The following ARHGAP21 variants were observed in gnomAD, a reference collection of about 807,000 sequenced individuals.
ARHGAP21 encodes Rho GTPase activating protein 21.
A neutral mutation model predicts 164.6 loss-of-function variants in ARHGAP21; 38 were observed. That is an observed-to-expected ratio of 0.23 (90% CI 0.18 to 0.30). The LOEUF (loss-of-function observed/expected upper bound fraction) is 0.30, where lower values mean the gene tolerates loss of function less well. Among genes scored for constraint, ARHGAP21 ranks in the 10% least tolerant of loss-of-function variants. ARHGAP21 has a pLI of 1.00. For missense variants in ARHGAP21, 1,822 were observed against 2,370.7 expected, an observed-to-expected ratio of 0.77 and a Z score of 4.81; for synonymous variants, 766 against 857.9, an observed-to-expected ratio of 0.89 and a Z score of 1.87.
intron 7 of ARHGAP21, among the ~76,000 whole-genome samples, chr10:24,624,724 T>C (rs1193291089): frequency 1.3e-5 from 2 of 152,100 alleles, no homozygotes; most frequent in Admixed American, 1.3e-4. Flanking sequence ...GAATTACATA[T>C]TCAGTATTAA....
chr10:24,634,984 G>T, intron 5 of ARHGAP21, 27 bp downstream of exon 5: 2 of 1,411,604 alleles, frequency 1.4e-6, no homozygotes, highest in East Asian at 2.4e-5. Flanking sequence ...AAATTAAAAC[G>T]TATTGTTTAA....
At chr10:24,658,785 A>T (rs956264458) in intron 4 of ARHGAP21, among the ~76,000 whole-genome samples, 1 of 134,398 alleles carries the variant, frequency 7.4e-6, no homozygotes, top group African/African-American at 3.0e-5. Context: ...TATGTAAAAA[A>T]CCTGCACATT....
intron 2 of ARHGAP21, among the ~76,000 whole-genome samples, chr10:24,702,127 C>CTTTTTTTTTTTTTTTTTTTTTTT: frequency 9.6e-6 from 1 of 104,630 alleles, no homozygotes; most frequent in Non-Finnish European, 1.8e-5. Context: ...ACTTCCGGTT[C>CTTTTTTTTTTTTTTTTTTTTTTT]TTTTTTTTTT....
chr10:24,613,267 T>C (rs528954010), intron 9 of ARHGAP21, among the ~76,000 whole-genome samples: 72 of 152,320 alleles, frequency 4.7e-4, no homozygotes, highest in African/African-American at 1.6e-3. Context: ...CTTCTCATCT[T>C]TGACCCAGCA....
chr10:24,606,795 C>G (rs139944575), intron 11 of ARHGAP21, among the ~76,000 whole-genome samples: 1 of 152,012 alleles, frequency 6.6e-6, no homozygotes, highest in East Asian at 1.9e-4. Context: ...GAGCCGAGAT[C>G]GCACCATTGC....
intron 2 of ARHGAP21, among the ~76,000 whole-genome samples, chr10:24,705,199 C>T (rs1593350784): frequency 3.3e-5 from 5 of 152,266 alleles, no homozygotes; most frequent in Admixed American, 2.6e-4. Flanking sequence ...AGTCACTAAA[C>T]GCTAAAAAAT....
intron 3 of ARHGAP21, among the ~76,000 whole-genome samples, chr10:24,669,228 T>C (rs1235414253): frequency 6.6e-6 from 1 of 152,164 alleles, no homozygotes; most frequent in African/African-American, 2.4e-5. Flanking sequence ...CAAAAAAGCA[T>C]ACCCTGTAGG....
intron 25 of ARHGAP21, among the ~76,000 whole-genome samples, 150 bp downstream of exon 25, chr10:24,589,118 TATC>T (rs1486266788): frequency 2.0e-5 from 3 of 151,854 alleles, no homozygotes; most frequent in African/African-American, 4.8e-5. Flanking sequence ...GTATTCTTCT[TATC>T]ATATATTGTT....
intron 4 of ARHGAP21, among the ~76,000 whole-genome samples, chr10:24,643,029 A>G (rs879383087): frequency 5.3e-5 from 8 of 152,250 alleles, no homozygotes; most frequent in Non-Finnish European, 1.2e-4. Context: ...CTCAAATAGT[A>G]TAAGGAAAAT....
chr10:24,649,379 A>G (rs1460265656), intron 4 of ARHGAP21, among the ~76,000 whole-genome samples: 1 of 152,236 alleles, frequency 6.6e-6, no homozygotes, highest in East Asian at 1.9e-4. Context: ...AAATAGAAGA[A>G]AAAGCCCAAG....
chr10:24,708,351 C>G (rs552844185), intron 2 of ARHGAP21, among the ~76,000 whole-genome samples: 2 of 152,288 alleles, frequency 1.3e-5, no homozygotes, highest in African/African-American at 4.8e-5. Context: ...CTCTGCCTAA[C>G]TGACTTGCTA....
chr10:24,679,632 AC>A (rs1841584869), intron 2 of ARHGAP21, among the ~76,000 whole-genome samples: 1 of 152,082 alleles, frequency 6.6e-6, no homozygotes, highest in African/African-American at 2.4e-5. Flanking sequence ...TGGTATTGCC[AC>A]TATTGTTTAT....
chr10:24,596,146 G>T, intron 17 of ARHGAP21, 103 bp from the exon 18 acceptor site: 1 of 995,930 alleles, frequency 1.0e-6, no homozygotes, highest in Non-Finnish European at 1.4e-6. Context: ...AACATAAATT[G>T]CTGTTATGTA....
At chr10:24,714,592 C>T (rs1845170857) in intron 2 of ARHGAP21, among the ~76,000 whole-genome samples, 1 of 152,070 alleles carries the variant, frequency 6.6e-6, no homozygotes, top group African/African-American at 2.4e-5. Flanking sequence ...TAACTTGCAG[C>T]ATAAAACTTT....
chr10:24,714,894 G>A (rs1254521797), intron 2 of ARHGAP21, among the ~76,000 whole-genome samples: 2 of 151,950 alleles, frequency 1.3e-5, no homozygotes, highest in Non-Finnish European at 2.9e-5. Flanking sequence ...GCCAGGCATG[G>A]TGGCGGGCGC....
At chr10:24,722,997 A>G (rs980690218) in intron 1 of ARHGAP21, among the ~76,000 whole-genome samples, 1 of 151,798 alleles carries the variant, frequency 6.6e-6, no homozygotes. Flanking sequence ...ACCTAGGGGG[A>G]AAAAACGAGA....
At chr10:24,682,560 CGTT>C (rs1173207615) in intron 2 of ARHGAP21, among the ~76,000 whole-genome samples, 3 of 152,046 alleles carry the variant, frequency 2.0e-5, no homozygotes, top group Admixed American at 1.3e-4. Context: ...GGAAATCTGA[CGTT>C]GTGAACTAAA....
intron 2 of ARHGAP21, among the ~76,000 whole-genome samples, chr10:24,698,521 G>C (rs573846725): frequency 6.6e-6 from 1 of 152,242 alleles, no homozygotes; most frequent in South Asian, 2.1e-4. Flanking sequence ...AGATGGGTCG[G>C]CCATCCATTC....
chr10:24,692,844 TA>T (rs1157306416), intron 2 of ARHGAP21, among the ~76,000 whole-genome samples: 9 of 128,654 alleles, frequency 7.0e-5, no homozygotes, highest in Admixed American at 6.7e-4. Context: ...ATAAAAAAAA[TA>T]AAAAAATTAA....
Sources: gnomAD v4.1 joint callset for allele counts (sites outside exome capture counted in the v4.1 genomes callset) on GRCh38, gnomAD v4.1.1 for gene constraint, MANE v1.5 for transcripts, NCBI Gene and HGNC (gene_info 2026-07-23, HGNC 2026-07-21) for gene names.